Variants in CDH12 observed in about 807,000 individuals in gnomAD.
CDH12 encodes the protein cadherin-12.
Under a neutral mutation model 74.1 loss-of-function variants are expected in CDH12, and 41 were observed. The ratio of observed to expected loss-of-function variants is 0.55; its 90% CI spans 0.43 to 0.72. The LOEUF is 0.72. Ranked by LOEUF, CDH12 falls within the 30% of genes least tolerant of loss-of-function variation. CDH12 has a pLI of 0.00. For synonymous variants in CDH12, 399 were observed against 355.0 expected (o/e 1.12, Z -1.39); for missense variants, 945 against 977.2 (o/e 0.97, Z 0.44).
chr5:21,817,551 G>A (rs746680961), intron 8 of CDH12, among the ~76,000 whole-genome samples: 8 of 151,970 alleles, frequency 5.3e-5, no homozygotes, highest in Non-Finnish European at 8.8e-5. Context: ...TAGATAGATA[G>A]ATAGGTGATA....
At chr5:22,207,173 T>G (rs1751267858) in intron 4 of CDH12, among the ~76,000 whole-genome samples, 1 of 143,306 alleles carries the variant, frequency 7.0e-6, no homozygotes, top group African/African-American at 2.6e-5. Flanking sequence ...GAGCTGAGAT[T>G]GCGCCACTGC....
chr5:21,919,668 CCGGAGAAA>C (rs1280051544), intron 6 of CDH12, among the ~76,000 whole-genome samples: 3 of 152,028 alleles, frequency 2.0e-5, no homozygotes, highest in Admixed American at 2.0e-4. Context: ...GACTTGATTC[CCGGAGAAA>C]CGGACTGATA....
chr5:22,464,695 A>G (rs1211595034), intron 2 of CDH12, among the ~76,000 whole-genome samples: 4 of 152,100 alleles, frequency 2.6e-5, no homozygotes, highest in Non-Finnish European at 5.9e-5. Context: ...TCCAAAATTT[A>G]GTGGAGATTT....
At chr5:21,795,468 C>T (rs1268918070) in intron 10 of CDH12, among the ~76,000 whole-genome samples, 1 of 151,712 alleles carries the variant, frequency 6.6e-6, no homozygotes, top group Non-Finnish European at 1.5e-5. Context: ...ATTAACTATC[C>T]ACTTGCGCTA....
intron 6 of CDH12, among the ~76,000 whole-genome samples, chr5:21,855,096 C>T (rs187188825): frequency 1.1e-4 from 16 of 151,766 alleles, no homozygotes; most frequent in African/African-American, 3.6e-4. Flanking sequence ...ATGGACACCA[C>T]TTATATTAGC....
intron 1 of CDH12, among the ~76,000 whole-genome samples, chr5:22,777,661 T>G (rs1747171440): frequency 6.6e-6 from 1 of 152,036 alleles, no homozygotes; most frequent in African/African-American, 2.4e-5. Context: ...TGCCTTTTTA[T>G]GTTTTTCACC....
At chr5:22,546,078 A>C (rs1030521264) in intron 1 of CDH12, among the ~76,000 whole-genome samples, 2 of 151,872 alleles carry the variant, frequency 1.3e-5, no homozygotes, top group African/African-American at 4.8e-5. Context: ...CCAAGTAGCC[A>C]AGATTACAGG....
chr5:22,338,420 G>C (rs561958346), intron 3 of CDH12, among the ~76,000 whole-genome samples: 2 of 152,146 alleles, frequency 1.3e-5, no homozygotes, highest in African/African-American at 4.8e-5. Flanking sequence ...ACTACCAGAG[G>C]CTGGGAAGGG....
At chr5:21,947,068 G>A (rs1458437476) in intron 6 of CDH12, among the ~76,000 whole-genome samples, 1 of 152,318 alleles carries the variant, frequency 6.6e-6, no homozygotes, top group Middle Eastern at 3.4e-3. Flanking sequence ...GTTGCCTTGT[G>A]AAGAAGCCAA....
chr5:21,839,341 C>T (rs1749713219), intron 8 of CDH12, among the ~76,000 whole-genome samples: 1 of 152,060 alleles, frequency 6.6e-6, no homozygotes, highest in South Asian at 2.1e-4. Flanking sequence ...TTGTCAGATA[C>T]ATTTATATGC....
At chr5:21,760,246 G>C (rs1744641896) in intron 13 of CDH12, among the ~76,000 whole-genome samples, 1 of 152,094 alleles carries the variant, frequency 6.6e-6, no homozygotes, top group East Asian at 1.9e-4. Context: ...CTGTTAGTTA[G>C]TATAAGTAAT....
At chr5:22,754,757 T>C (rs1425457899) in intron 1 of CDH12, among the ~76,000 whole-genome samples, 1 of 152,144 alleles carries the variant, frequency 6.6e-6, no homozygotes, top group Non-Finnish European at 1.5e-5. Context: ...ATGTGATTTT[T>C]TGAGATAATT....
intron 10 of CDH12, among the ~76,000 whole-genome samples, chr5:21,788,767 G>A (rs966141041): frequency 8.5e-5 from 13 of 152,120 alleles, no homozygotes; most frequent in African/African-American, 3.1e-4. Context: ...GTTTCAAGTT[G>A]TCTGACTTTG....
At chr5:22,622,685 C>G (rs1349280436) in intron 1 of CDH12, among the ~76,000 whole-genome samples, 3 of 138,078 alleles carry the variant, frequency 2.2e-5, no homozygotes, top group African/African-American at 7.9e-5. Context: ...AATTAGTAGC[C>G]TACCACCAAA....
intron 6 of CDH12, among the ~76,000 whole-genome samples, chr5:21,907,153 C>G (rs1359823632): frequency 6.6e-6 from 1 of 152,172 alleles, no homozygotes; most frequent in East Asian, 1.9e-4. Context: ...CATTAGAAAA[C>G]CTGGGGTGCT....
chr5:21,961,875 T>C (rs1756377886), intron 6 of CDH12, among the ~76,000 whole-genome samples: 1 of 152,118 alleles, frequency 6.6e-6, no homozygotes, highest in African/African-American at 2.4e-5. Context: ...ATATAAATGT[T>C]CAATCCATTT....
chr5:21,781,709 G>T (rs1286684835), intron 11 of CDH12, among the ~76,000 whole-genome samples: 1 of 140,870 alleles, frequency 7.1e-6, no homozygotes, highest in African/African-American at 2.5e-5. Context: ...AGGTGACAGA[G>T]TGAGACTATT....
At chr5:22,657,346 AC>A in intron 1 of CDH12, among the ~76,000 whole-genome samples, 1 of 152,286 alleles carries the variant, frequency 6.6e-6, no homozygotes, top group East Asian at 1.9e-4. Flanking sequence ...ATATACTTAG[AC>A]AAAAATCATC....
chr5:22,467,814 T>C (rs182902499), intron 2 of CDH12, among the ~76,000 whole-genome samples: 2 of 152,340 alleles, frequency 1.3e-5, no homozygotes, highest in South Asian at 2.1e-4. Context: ...CAGATCCACC[T>C]ACTAAGTTAT....
Sources: gnomAD v4.1 joint callset for allele counts (sites outside exome capture counted in the v4.1 genomes callset) on GRCh38, gnomAD v4.1.1 for gene constraint, MANE v1.5 for transcripts, NCBI Gene and HGNC (gene_info 2026-07-23, HGNC 2026-07-21) for gene names.